NFKB1: variants seen among roughly 807,000 people sequenced by gnomAD.
NFKB1 encodes nuclear factor NF-kappa-B p105 subunit.
A neutral mutation model predicts 105.1 loss-of-function variants in NFKB1; 9 were observed. That is an observed-to-expected ratio of 0.09 (90% confidence interval 0.05 to 0.15). The LOEUF (loss-of-function observed/expected upper bound fraction) is 0.15, where lower values mean the gene tolerates loss of function less well. Among genes scored for constraint, NFKB1 ranks in the 10% least tolerant of loss-of-function variants. NFKB1 has a pLI of 1.00. For missense variants in NFKB1, 830 were observed against 1,203.7 expected (o/e 0.69, Z 4.59); for synonymous variants, 440 against 442.2 (o/e 1.00, Z 0.06).
rs530397521 is a variant in NFKB1 at position 102,509,033 on chromosome 4, G to C, written c.-8+7245G>C. Among the ~76,000 whole-genome samples, 10 of 152,194 alleles carry C rather than the reference G, an allele frequency of 6.6e-5. No individual in the cohort carries two copies. The East Asian group carries it at 1.7e-3, about 26-fold the overall frequency. On this transcript the variant is annotated intron_variant, in intron 1 of 23. Coordinates refer to ENST00000226574, the MANE Select transcript of NFKB1 (RefSeq NM_003998.4). ...TTTCATAATGGATTATCATATTTTT[G>C]CTAAACTGGTAAGAATGGACTTTTC...
intron 1 of NFKB1, among the ~76,000 whole-genome samples, chr4:102,523,697 C>T (rs1740713934): frequency 6.6e-6 from 1 of 152,172 alleles, no homozygotes; most frequent in East Asian, 1.9e-4. Context: ...CATTCCTTCC[C>T]TCTCATTTAT....
At chr4:102,528,495 A>G (rs1741071760) in intron 2 of NFKB1, among the ~76,000 whole-genome samples, 1 of 152,158 alleles carries the variant, frequency 6.6e-6, no homozygotes. Context: ...GAAGATCTTC[A>G]GTACCCCAGA....
intron 1 of NFKB1, chr4:102,510,739 ACTTG>A: frequency 5.8e-6 from 1 of 173,478 alleles, no homozygotes. Flanking sequence ...TTTATGGAAA[ACTTG>A]AGACAAAAAT....
chr4:102,546,186 G>A (rs943340563), intron 5 of NFKB1, among the ~76,000 whole-genome samples: 2 of 152,084 alleles, frequency 1.3e-5, no homozygotes, highest in African/African-American at 4.8e-5. Flanking sequence ...AAGCCTGGGT[G>A]GAAGCATATA....
At chr4:102,505,125 C>T (rs1473347808) in intron 1 of NFKB1, among the ~76,000 whole-genome samples, 1 of 152,180 alleles carries the variant, frequency 6.6e-6, no homozygotes, top group Non-Finnish European at 1.5e-5. Flanking sequence ...CTGTCTTTTA[C>T]ATTTCCGGAG....
chr4:102,515,453 C>G (rs1238060709), intron 1 of NFKB1, among the ~76,000 whole-genome samples: 1 of 152,094 alleles, frequency 6.6e-6, no homozygotes, highest in African/African-American at 2.4e-5. Flanking sequence ...AGTCTCTCAT[C>G]TTGGTAATTA....
chr4:102,614,608 G>A (rs4648125), intron 23 of NFKB1, among the ~76,000 whole-genome samples: 7,013 of 151,952 alleles, frequency 0.046, 414 homozygotes, highest in African/African-American at 0.14. Context: ...CATCCCCACC[G>A]CTCCACCAGG....
In NFKB1 at chr4:102,567,397, A is replaced by G. The variant is rs35822193; in HGVS notation, c.407+262A>G. Among the ~76,000 whole-genome samples the G allele has an allele frequency of 2.4e-3, 366 of 152,312 alleles. 2 individuals are homozygous for G. Among genetic ancestry groups the G allele is most frequent in the African/African-American group, 8.3e-3 (347 of 41,570 alleles). The stretch of plus-strand genomic sequence containing the variant: ...TACTCTTAAAGGTGGCCCAATTTGG[A>G]TGATCACTTATATGTGGTCACTTGA... On this transcript the variant is annotated intron_variant, in intron 6 of 23. Coordinates refer to ENST00000226574, the MANE Select transcript of NFKB1 (RefSeq NM_003998.4).
chr4:102,523,508 T>C (rs1163036278), intron 1 of NFKB1, among the ~76,000 whole-genome samples: 1 of 152,220 alleles, frequency 6.6e-6, no homozygotes, highest in Admixed American at 6.5e-5. Flanking sequence ...GAGGGCTTTG[T>C]GCTTATTGGA....
chr4:102,530,113 G>A (rs928318145), intron 3 of NFKB1, among the ~76,000 whole-genome samples, 199 bp downstream of exon 3: 6 of 152,092 alleles, frequency 3.9e-5, no homozygotes, highest in Admixed American at 2.0e-4. Context: ...CCCTTGTATG[G>A]TTTACTGCAT....
chr4:102,581,022 G>GT (rs1725280471), intron 9 of NFKB1, among the ~76,000 whole-genome samples: 2 of 152,080 alleles, frequency 1.3e-5, no homozygotes, highest in African/African-American at 2.4e-5. Flanking sequence ...GTATTAAATT[G>GT]TTTTTATTTC....
At chr4:102,584,627 CAAAA>C (rs10711129) in intron 10 of NFKB1, 51 bp from the exon 11 acceptor site, 25 of 1,328,212 alleles carry the variant, frequency 1.9e-5, no homozygotes, top group East Asian at 8.0e-5. Flanking sequence ...AGCATTACTG[CAAAA>C]AAAAAAAAAA....
intron 4 of NFKB1, 134 bp from the exon 5 acceptor site, chr4:102,537,724 C>A (rs1741737887): frequency 3.4e-5 from 16 of 476,396 alleles, no homozygotes; most frequent in South Asian, 5.8e-5. Context: ...GTTTACGGAG[C>A]CCTCTTTCAC....
chr4:102,509,974 C>T (rs1268256951), intron 1 of NFKB1, among the ~76,000 whole-genome samples: 2 of 152,176 alleles, frequency 1.3e-5, no homozygotes. Flanking sequence ...TTACTCCCTC[C>T]GGTGTTCCCC....
chr4:102,575,663 C>T (rs572130589), intron 6 of NFKB1, among the ~76,000 whole-genome samples: 1 of 152,298 alleles, frequency 6.6e-6, no homozygotes, highest in South Asian at 2.1e-4. Context: ...ATGTCTTCCC[C>T]ATCGCTTCCT....
chr4:102,606,202 A>C (rs531200679), intron 16 of NFKB1, among the ~76,000 whole-genome samples: 2 of 152,372 alleles, frequency 1.3e-5, no homozygotes, highest in South Asian at 4.1e-4. Flanking sequence ...TTAGATTAAA[A>C]CATCACATTG....
intron 5 of NFKB1, among the ~76,000 whole-genome samples, chr4:102,543,622 G>C (rs1383880297): frequency 1.4e-5 from 2 of 147,460 alleles, no homozygotes; most frequent in East Asian, 3.9e-4. Flanking sequence ...AAAAAAAAAG[G>C]CTCCACTCTT....
intron 4 of NFKB1, 25 bp downstream of exon 4, chr4:102,533,910 A>G (rs1401863633): frequency 3.1e-6 from 5 of 1,595,262 alleles, no homozygotes. Flanking sequence ...GTGGGACTTT[A>G]AATGTTAGAT....
In NFKB1 at chr4:102,501,674, G is replaced by C. The variant is rs1739030048; in HGVS notation, c.-122G>C. 1 of 151,578 alleles carries C rather than the reference G, an allele frequency of 6.6e-6. No individual in the cohort carries two copies. The highest frequency in any genetic ancestry group is 2.4e-5 in the African/African-American group (1 of 41,320). 9.4% of individuals were successfully genotyped at this position (151,578 alleles called of 1,614,324 possible). A position where few individuals can be genotyped will look rare whatever the true frequency, so the allele number is the denominator to read the frequency against. Reference sequence around the variant, plus strand: ...CCCGCTCGCCCCGACCCGCACTCGGGCCCGCCCGGGCTCCGGCCTGCCGCC... The same window carrying C: ...CCCGCTCGCCCCGACCCGCACTCGGCCCCGCCCGGGCTCCGGCCTGCCGCC... On this transcript the variant is annotated 5_prime_UTR_variant, in exon 1 of 24. Transcript: ENST00000226574.
Sources: gnomAD v4.1 joint callset for allele counts (sites outside exome capture counted in the v4.1 genomes callset) on GRCh38, gnomAD v4.1.1 for gene constraint, MANE v1.5 for transcripts, NCBI Gene and HGNC (gene_info 2026-07-23, HGNC 2026-07-21) for gene names.